CTNNA3: variants seen among roughly 807,000 people sequenced by gnomAD.
The protein encoded by CTNNA3 is catenin alpha-3.
A neutral mutation model predicts 95.7 loss-of-function variants in CTNNA3; 76 were observed. The ratio of observed to expected loss-of-function variants is 0.79; its 90% confidence interval spans 0.66 to 0.96. CTNNA3 has a LOEUF of 0.96. Among genes scored for constraint, CTNNA3 ranks in the 40% least tolerant of loss-of-function variants. The pLI is 0.00. For synonymous variants in CTNNA3, 431 were observed against 374.4 expected, an observed-to-expected ratio of 1.15 and a Z score of -1.74; for missense variants, 1,191 against 1,089.8, an observed-to-expected ratio of 1.09 and a Z score of -1.31.
intron 5 of CTNNA3, among the ~76,000 whole-genome samples, chr10:67,357,647 C>T (rs1447941249): frequency 1.3e-5 from 2 of 152,046 alleles, no homozygotes; most frequent in African/African-American, 4.8e-5. Flanking sequence ...AATAAAAATA[C>T]AACAGTTGGT....
rs941376630 is a variant in CTNNA3 at position 67,022,811 on chromosome 10, G to A, written c.1047+157506C>T. 7.9e-5 allele frequency among the ~76,000 whole-genome samples: 12 copies of A among 152,014 alleles called. No individual in the cohort carries two copies. The East Asian group carries it at 1.6e-3, about 20-fold the overall frequency. On this transcript the variant is annotated intron_variant, in intron 7 of 17. Coordinates refer to ENST00000433211, the MANE Select transcript of CTNNA3 (RefSeq NM_013266.4). Reference sequence around the variant, plus strand: ...AAATTAGCCGGGCGTGGTGGTGCACGCCTATAATCCCAGCTACTCAGGAGG... The same window carrying A: ...AAATTAGCCGGGCGTGGTGGTGCACACCTATAATCCCAGCTACTCAGGAGG...
chr10:67,600,349 C>T (rs1219301371), intron 3 of CTNNA3, among the ~76,000 whole-genome samples: 1 of 151,728 alleles, frequency 6.6e-6, no homozygotes, highest in South Asian at 2.1e-4. Context: ...AGTCTCTACC[C>T]ATAAAGGAAC....
intron 9 of CTNNA3, among the ~76,000 whole-genome samples, chr10:66,701,878 T>C (rs1453848726): frequency 6.6e-6 from 1 of 152,158 alleles, no homozygotes; most frequent in African/African-American, 2.4e-5. Flanking sequence ...TCATTTATGT[T>C]TTATATGCAC....
intron 3 of CTNNA3, among the ~76,000 whole-genome samples, chr10:67,568,441 C>T (rs1250684301): frequency 2.0e-5 from 3 of 148,324 alleles, no homozygotes; most frequent in Non-Finnish European, 3.0e-5. Context: ...CCTATCTTCT[C>T]CCTGATTGTT....
chr10:66,918,963 G>A (rs1412678902), intron 7 of CTNNA3, among the ~76,000 whole-genome samples: 1 of 151,740 alleles, frequency 6.6e-6, no homozygotes, highest in Admixed American at 6.6e-5. Flanking sequence ...GTGAAACCCT[G>A]TCTCTACTAA....
intron 7 of CTNNA3, among the ~76,000 whole-genome samples, chr10:67,111,798 T>C (rs927382316): frequency 1.3e-5 from 2 of 152,076 alleles, no homozygotes; most frequent in Admixed American, 1.3e-4. Flanking sequence ...ATTTAATACA[T>C]GCAAAGTATC....
At chr10:66,714,540 C>T (rs936761936) in intron 9 of CTNNA3, among the ~76,000 whole-genome samples, 3 of 152,152 alleles carry the variant, frequency 2.0e-5, no homozygotes, top group African/African-American at 7.2e-5. Flanking sequence ...TTGCAGTAAT[C>T]CCCTATCTTG....
chr10:66,160,185 G>T (rs1276130635), intron 13 of CTNNA3, among the ~76,000 whole-genome samples: 2 of 151,686 alleles, frequency 1.3e-5, no homozygotes, highest in African/African-American at 4.8e-5. Context: ...ATTTAGTTCT[G>T]CTTGGAACTT....
chr10:66,631,872 A>C (rs568526673), intron 9 of CTNNA3, among the ~76,000 whole-genome samples: 1 of 152,280 alleles, frequency 6.6e-6, no homozygotes, highest in South Asian at 2.1e-4. Context: ...ATTACTATTG[A>C]GTATTCGGTA....
chr10:67,392,546 C>G (rs1412389513), intron 5 of CTNNA3, among the ~76,000 whole-genome samples: 2 of 152,124 alleles, frequency 1.3e-5, no homozygotes, highest in Non-Finnish European at 2.9e-5. Flanking sequence ...CCCAGCCATC[C>G]CATTACTGGG....
intron 3 of CTNNA3, among the ~76,000 whole-genome samples, chr10:67,566,420 A>C (rs1169375083): frequency 6.6e-6 from 1 of 152,026 alleles, no homozygotes; most frequent in Non-Finnish European, 1.5e-5. Context: ...ACATGAAAAA[A>C]TGCTCATCAT....
intron 7 of CTNNA3, among the ~76,000 whole-genome samples, chr10:67,034,947 A>G (rs1589638136): frequency 6.6e-6 from 1 of 152,220 alleles, no homozygotes; most frequent in Non-Finnish European, 1.5e-5. Context: ...ACTGCCTGAA[A>G]TATGCCCACC....
chr10:66,628,022 G>T (rs929393037), intron 9 of CTNNA3, among the ~76,000 whole-genome samples: 1 of 151,792 alleles, frequency 6.6e-6, no homozygotes, highest in South Asian at 2.1e-4. Context: ...CCACACTCTC[G>T]CATTATAGCG....
intron 9 of CTNNA3, among the ~76,000 whole-genome samples, chr10:66,647,691 T>TG (rs1204172041): frequency 6.6e-6 from 1 of 150,978 alleles, no homozygotes; most frequent in Non-Finnish European, 1.5e-5. Context: ...TTTTTTTTTT[T>TG]TGTATTTTTA....
At chr10:67,362,945 C>T (rs1475217116) in intron 5 of CTNNA3, among the ~76,000 whole-genome samples, 1 of 152,012 alleles carries the variant, frequency 6.6e-6, no homozygotes, top group South Asian at 2.1e-4. Context: ...AAATCAATAA[C>T]ATTTCTATAC....
chr10:66,553,150 A>T (rs932013487), intron 10 of CTNNA3, among the ~76,000 whole-genome samples: 1 of 151,990 alleles, frequency 6.6e-6, no homozygotes, highest in Non-Finnish European at 1.5e-5. Flanking sequence ...TAATCCTTTT[A>T]TCTTGAAAAT....
intron 15 of CTNNA3, among the ~76,000 whole-genome samples, chr10:66,058,141 T>C (rs1242558696): frequency 6.6e-6 from 1 of 152,186 alleles, no homozygotes; most frequent in Middle Eastern, 3.2e-3. Flanking sequence ...ACGAGTCATG[T>C]GCAAAGAGAT....
chr10:67,075,017 T>G (rs1376331103), intron 7 of CTNNA3, among the ~76,000 whole-genome samples: 1 of 152,168 alleles, frequency 6.6e-6, no homozygotes, highest in Non-Finnish European at 1.5e-5. Flanking sequence ...AAAGATGCAT[T>G]TGGCACTTGA....
chr10:67,693,218 TC>T (rs1840902619), intron 1 of CTNNA3, among the ~76,000 whole-genome samples: 1 of 152,330 alleles, frequency 6.6e-6, no homozygotes, highest in Non-Finnish European at 1.5e-5. Flanking sequence ...CGGCTAACAG[TC>T]CTGTTCACCT....
Sources: allele counts gnomAD v4.1 joint callset (sites outside exome capture counted in the v4.1 genomes callset), GRCh38; gene constraint gnomAD v4.1.1; transcripts MANE v1.5; gene names NCBI Gene and HGNC (gene_info 2026-07-23, HGNC 2026-07-21).